GRIA1: variants seen among roughly 807,000 people sequenced by gnomAD.
GRIA1 encodes glutamate receptor 1.
A neutral mutation model predicts 99.2 loss-of-function variants in GRIA1; 31 were observed. That is an observed-to-expected ratio of 0.31 (90% confidence interval 0.23 to 0.42). The LOEUF (loss-of-function observed/expected upper bound fraction) is 0.42. Ranked by LOEUF, GRIA1 falls within the 10% of genes least tolerant of loss-of-function variation. GRIA1 has a pLI of 1.00. For missense variants in GRIA1, 782 were observed against 1,157.5 expected, an observed-to-expected ratio of 0.68 and a Z score of 4.71; for synonymous variants, 438 against 432.4, an observed-to-expected ratio of 1.01 and a Z score of -0.16.
chr5:153,685,435 G>A (rs1757273485), intron 7 of GRIA1, among the ~76,000 whole-genome samples: 1 of 152,220 alleles, frequency 6.6e-6, no homozygotes, highest in South Asian at 2.1e-4. Context: ...GAAGTCTCAT[G>A]CGGCATATTT....
chr5:153,496,960 G>A (rs983591642), intron 2 of GRIA1, among the ~76,000 whole-genome samples: 10 of 152,016 alleles, frequency 6.6e-5, no homozygotes, highest in African/African-American at 2.4e-4. Context: ...CCACCAGAGG[G>A]TGGAGAAGGG....
intron 2 of GRIA1, among the ~76,000 whole-genome samples, chr5:153,639,420 C>G (rs1448092596): frequency 6.6e-6 from 1 of 152,198 alleles, no homozygotes; most frequent in Non-Finnish European, 1.5e-5. Context: ...TCAAGCTCTT[C>G]AGTCTTGTTC....
chr5:153,695,099 C>G (rs1029029308), intron 8 of GRIA1, among the ~76,000 whole-genome samples: 1 of 152,120 alleles, frequency 6.6e-6, no homozygotes. Context: ...GTCCACAAGA[C>G]CTGGGTTCTA....
At chr5:153,764,777 T>C (rs1763403608) in intron 12 of GRIA1, 145 bp downstream of exon 12, 1 of 619,334 alleles carries the variant, frequency 1.6e-6, no homozygotes, top group Non-Finnish European at 2.9e-6. Flanking sequence ...TCAGGACATT[T>C]CTAAGCTTTC....
At chr5:153,735,394 GC>G (rs1437316114) in intron 11 of GRIA1, among the ~76,000 whole-genome samples, 1 of 152,170 alleles carries the variant, frequency 6.6e-6, no homozygotes, top group Non-Finnish European at 1.5e-5. Context: ...GATCAACTGA[GC>G]AAGCAGGGGG....
intron 2 of GRIA1, among the ~76,000 whole-genome samples, chr5:153,619,401 C>A (rs1766815434): frequency 6.6e-6 from 1 of 152,064 alleles, no homozygotes; most frequent in Non-Finnish European, 1.5e-5. Flanking sequence ...TTTAGAAAGA[C>A]TAGGTTAGGG....
chr5:153,672,283 G>A (rs1406789441), intron 5 of GRIA1, among the ~76,000 whole-genome samples: 1 of 152,188 alleles, frequency 6.6e-6, no homozygotes, highest in Non-Finnish European at 1.5e-5. Context: ...TCCTTAACAT[G>A]TCTAACTTAG....
chr5:153,527,501 A>G lies in GRIA1; in HGVS notation c.220+33436A>G, dbSNP rs1045777246. 5.3e-5 allele frequency among the ~76,000 whole-genome samples: 8 copies of G among 152,170 alleles called. No homozygotes were observed. In the East Asian group the frequency reaches 7.7e-4, roughly 15 times the overall value. On this transcript the variant is annotated intron_variant, in intron 2 of 15. Coordinates refer to ENST00000285900, the MANE Select transcript of GRIA1 (RefSeq NM_000827.4). ...AGGAATATCTAAAACCTGGTAAAAC[A>G]TTACTTTTGGTGTGTCTGTGAGTGT... is the stretch of plus-strand genomic sequence containing the variant.
chr5:153,523,135 T>A (rs1046832666), intron 2 of GRIA1, among the ~76,000 whole-genome samples: 3 of 152,012 alleles, frequency 2.0e-5, no homozygotes, highest in Admixed American at 1.3e-4. Context: ...TCTGATTGGG[T>A]AAGTTCAGAG....
At chr5:153,731,872 A>T (rs1761057841) in intron 11 of GRIA1, among the ~76,000 whole-genome samples, 1 of 152,094 alleles carries the variant, frequency 6.6e-6, no homozygotes, top group Admixed American at 6.6e-5. Flanking sequence ...TTATAACTTC[A>T]AGTTAATACT....
rs867871016 is a variant in GRIA1 at position 153,549,892 on chromosome 5, G to C, written c.220+55827G>C. ...AATTATATTATCCATCTAGGCATTTGTCCTCCATCCATTAAATAAGAAGTA... is the reference window on the plus strand; with the variant it reads ...AATTATATTATCCATCTAGGCATTTCTCCTCCATCCATTAAATAAGAAGTA... On this transcript the variant is annotated intron_variant, in intron 2 of 15. Coordinates refer to ENST00000285900, the MANE Select transcript of GRIA1 (RefSeq NM_000827.4). Among the ~76,000 whole-genome samples the C allele has an allele frequency of 2.6e-5, 4 of 152,164 alleles. 1 individual carries two copies. The highest frequency in any genetic ancestry group is 3.4e-3 in the Middle Eastern group (1 of 294).
At chr5:153,518,734 A>G (rs1756854917) in intron 2 of GRIA1, among the ~76,000 whole-genome samples, 2 of 152,236 alleles carry the variant, frequency 1.3e-5, no homozygotes, top group Admixed American at 1.3e-4. Context: ...CAATAAACTT[A>G]TGAGTTAGTA....
chr5:153,500,790 C>T (rs1754941498), intron 2 of GRIA1, among the ~76,000 whole-genome samples: 2 of 152,094 alleles, frequency 1.3e-5, no homozygotes, highest in South Asian at 2.1e-4. Flanking sequence ...TACACACACA[C>T]ACACCCCACA....
In GRIA1 at chr5:153,734,268, C is replaced by T. The variant is rs147615529; in HGVS notation, c.1823+28201C>T. ...ACCCAGTTCAGTGACCAGCTCATAG[C>T]AGGTGCTCAATAAGTATTTGTTGAA... is the stretch of plus-strand genomic sequence containing the variant. On this transcript the variant is annotated intron_variant, in intron 11 of 15. Coordinates refer to ENST00000285900, the MANE Select transcript of GRIA1 (RefSeq NM_000827.4). Among the ~76,000 whole-genome samples, 1,292 of 152,320 alleles carry T rather than the reference C, an allele frequency of 8.5e-3. 6 individuals carry two copies. Among genetic ancestry groups the T allele is most frequent in the Middle Eastern group, 0.014 (4 of 294 alleles).
intron 2 of GRIA1, among the ~76,000 whole-genome samples, chr5:153,564,068 C>G (rs544561073): frequency 3.5e-4 from 53 of 152,230 alleles, no homozygotes; most frequent in African/African-American, 1.1e-3. Flanking sequence ...AAGGTGTGAC[C>G]TCTGCACAAT....
chr5:153,490,074 CT>C (rs796734929), upstream of GRIA1, among the ~76,000 whole-genome samples: 2,861 of 140,270 alleles, frequency 0.02, 71 homozygotes, highest in African/African-American at 0.061. Context: ...AGAGAGAAAG[CT>C]TTTTTTTTTT....
intron 2 of GRIA1, among the ~76,000 whole-genome samples, chr5:153,602,525 TATAATA>T (rs1363472018): frequency 6.9e-6 from 1 of 145,328 alleles, no homozygotes; most frequent in Non-Finnish European, 1.5e-5. Context: ...TAACTTAAAG[TATAATA>T]ATAATAAAAT....
chr5:153,725,243 G>A (rs904916739), intron 11 of GRIA1, among the ~76,000 whole-genome samples: 2 of 151,368 alleles, frequency 1.3e-5, no homozygotes, highest in East Asian at 2.0e-4. Context: ...AGCTCCTGAA[G>A]GAAGCACTAA....
intron 2 of GRIA1, among the ~76,000 whole-genome samples, chr5:153,624,121 C>T (rs896545944): frequency 6.6e-6 from 1 of 152,158 alleles, no homozygotes; most frequent in Non-Finnish European, 1.5e-5. Context: ...TGACATTTAA[C>T]CGTAATAAGC....
Sources: gnomAD v4.1 joint callset for allele counts (sites outside exome capture counted in the v4.1 genomes callset) on GRCh38, gnomAD v4.1.1 for gene constraint, MANE v1.5 for transcripts, NCBI Gene and HGNC (gene_info 2026-07-23, HGNC 2026-07-21) for gene names.